SLIT2: variants seen among roughly 807,000 people sequenced by gnomAD.
The protein encoded by SLIT2 is slit guidance ligand 2, also known as slit homolog 2 protein.
Under a neutral mutation model 185.7 loss-of-function variants are expected in SLIT2, and 41 were observed. The observed-to-expected ratio is 0.22, with a 90% CI of 0.17 to 0.29. The LOEUF is 0.29. SLIT2 is among the 10% of genes least tolerant of loss of function. The probability of loss-of-function intolerance (pLI) is 1.00; values close to 1 mark genes in which losing one functional copy is unlikely to be tolerated. For missense variants in SLIT2, 1,571 were observed against 1,909.0 expected, an observed-to-expected ratio of 0.82 and a Z score of 3.30; for synonymous variants, 693 against 680.2, an observed-to-expected ratio of 1.02 and a Z score of -0.29.
intron 4 of SLIT2, among the ~76,000 whole-genome samples, chr4:20,453,381 G>T (rs553816236): frequency 6.6e-6 from 1 of 152,130 alleles, no homozygotes; most frequent in South Asian, 2.1e-4. Context: ...GATATAATTG[G>T]TGTGTAAAAT....
At chr4:20,267,354 A>G (rs1192685765) in intron 3 of SLIT2, among the ~76,000 whole-genome samples, 1 of 151,880 alleles carries the variant, frequency 6.6e-6, no homozygotes, top group East Asian at 1.9e-4. Context: ...ATTTGCCTCT[A>G]CTTGTCTTGG....
chr4:20,353,159 A>T (rs1229318124), intron 4 of SLIT2, among the ~76,000 whole-genome samples: 4 of 152,140 alleles, frequency 2.6e-5, no homozygotes, highest in Non-Finnish European at 4.4e-5. Context: ...ATTGATTCAG[A>T]TTGTGTGTGC....
At chr4:20,358,683 G>A (rs898700310) in intron 4 of SLIT2, among the ~76,000 whole-genome samples, 10 of 152,064 alleles carry the variant, frequency 6.6e-5, no homozygotes, top group African/African-American at 2.2e-4. Context: ...GCACCTTGAA[G>A]TTAATTAAAC....
At chr4:20,539,350 C>A in intron 18 of SLIT2, 91 bp from the exon 19 acceptor site, 1 of 1,121,032 alleles carries the variant, frequency 8.9e-7, no homozygotes, top group Non-Finnish European at 1.3e-6. Context: ...ATGAATGCTA[C>A]ATATTTGCAA....
intron 30 of SLIT2, among the ~76,000 whole-genome samples, chr4:20,594,372 T>C (rs944933690): frequency 6.6e-6 from 1 of 151,846 alleles, no homozygotes; most frequent in Non-Finnish European, 1.5e-5. Flanking sequence ...TATGTGTATA[T>C]GTATGTATAT....
chr4:20,588,862 T>C (rs1169220570), intron 29 of SLIT2, among the ~76,000 whole-genome samples: 5 of 152,188 alleles, frequency 3.3e-5, no homozygotes, highest in Non-Finnish European at 7.4e-5. Flanking sequence ...ATGAGTTAGC[T>C]GACTTTCATG....
chr4:20,299,262 A>G (rs1716811391), intron 4 of SLIT2, among the ~76,000 whole-genome samples: 2 of 152,228 alleles, frequency 1.3e-5, no homozygotes, highest in African/African-American at 4.8e-5. Flanking sequence ...TTGCTTTATC[A>G]GTAAGAATAT....
At chr4:20,467,645 G>T in intron 4 of SLIT2, 107 bp from the exon 5 acceptor site, 2 of 590,658 alleles carry the variant, frequency 3.4e-6, no homozygotes, top group Non-Finnish European at 2.9e-6. Flanking sequence ...TCCTTTTAGG[G>T]TTTTCTTTTT....
chr4:20,382,552 A>G (rs1215790612), intron 4 of SLIT2, among the ~76,000 whole-genome samples: 1 of 152,160 alleles, frequency 6.6e-6, no homozygotes, highest in Non-Finnish European at 1.5e-5. Context: ...AAAAATCACC[A>G]TTGACAATAG....
intron 30 of SLIT2, among the ~76,000 whole-genome samples, chr4:20,591,821 A>G (rs971757558): frequency 6.6e-6 from 1 of 152,120 alleles, no homozygotes; most frequent in African/African-American, 2.4e-5. Flanking sequence ...TAAGTATAAG[A>G]TAAAGTATTA....
rs780345622 is a variant in SLIT2, at chr4:20,546,019, C to T, written c.2277-12C>T. 6 of 1,470,752 alleles carry T rather than the reference C, an allele frequency of 4.1e-6. No individual in the cohort carries two copies. The South Asian group carries it at 4.8e-5, about 12-fold the overall frequency. 91.1% of individuals were successfully genotyped at this position (1,470,752 alleles called of 1,614,324 possible). On this transcript the variant is annotated splice_polypyrimidine_tract_variant and intron_variant, in intron 21 of 36. Transcript: ENST00000504154. ...ACTTTGTAAGAAGATAATATTGTTC[C>T]ATTGTTTTTAGGTATCTGGATGGAA... is the stretch of plus-strand genomic sequence containing the variant.
chr4:20,497,871 A>C (rs12331582), intron 9 of SLIT2, among the ~76,000 whole-genome samples: 5,933 of 152,074 alleles, frequency 0.039, 182 homozygotes, highest in African/African-American at 0.08. Flanking sequence ...TTTATACTAA[A>C]ACAAAACAAA....
rs1193696988 is a variant in SLIT2, at chr4:20,406,555, C to G, written c.396-61197C>G. Among the ~76,000 whole-genome samples, 3 of 143,810 alleles carry G rather than the reference C, an allele frequency of 2.1e-5. 1 individual carries two copies. The highest frequency in any genetic ancestry group is 4.6e-5 in the Non-Finnish European group (3 of 64,544). The allele number at this position is 143,810 out of a possible 152,430, so 94.3% of individuals were successfully genotyped here. A position where few individuals can be genotyped will look rare whatever the true frequency, so the allele number is the denominator to read the frequency against. On this transcript the variant is annotated intron_variant, in intron 4 of 36. Coordinates refer to ENST00000504154, the MANE Select transcript of SLIT2 (RefSeq NM_004787.4). Reference sequence around the variant, plus strand: ...GCTCATAAATACATTAAAAAGTGCTCAACATTATTATCCATCAGGAAAATA... The same window carrying G: ...GCTCATAAATACATTAAAAAGTGCTGAACATTATTATCCATCAGGAAAATA...
At chr4:20,542,194 G>A (rs675465) in intron 20 of SLIT2, among the ~76,000 whole-genome samples, 107,715 of 152,054 alleles carry the variant, frequency 0.71, 38,244 homozygotes, top group Admixed American at 0.74. Context: ...AATTCACTTT[G>A]CATTTACATA....
chr4:20,488,787 TC>T lies in SLIT2; in HGVS notation c.612-31del, dbSNP rs542132475. On this transcript the variant is annotated intron_variant, in intron 7 of 36. Transcript: ENST00000504154. ...TTAATGAAATAACGACTTTCTGTTT[TC>T]TTGCTTTACACTTCTTTTTTTCTCA... is the stretch of plus-strand genomic sequence containing the variant. 1.6e-4 allele frequency: 250 copies of T among 1,533,716 alleles called. 1 individual carries two copies. The African/African-American group carries it at 3.1e-3, about 19-fold the overall frequency.
intron 4 of SLIT2, among the ~76,000 whole-genome samples, chr4:20,441,816 T>C (rs998812915): frequency 3.9e-5 from 6 of 152,156 alleles, no homozygotes; most frequent in African/African-American, 1.4e-4. Flanking sequence ...CAGAACTTTA[T>C]ACTTTAACCA....
At chr4:20,351,652 G>A (rs1279560904) in intron 4 of SLIT2, among the ~76,000 whole-genome samples, 3 of 152,144 alleles carry the variant, frequency 2.0e-5, no homozygotes, top group Admixed American at 6.6e-5. Flanking sequence ...GAGTGGGGAA[G>A]CAGGGTCACA....
chr4:20,489,427 G>A (rs1323103605), intron 8 of SLIT2, among the ~76,000 whole-genome samples: 1 of 152,164 alleles, frequency 6.6e-6, no homozygotes, highest in African/African-American at 2.4e-5. Context: ...TATACTAATG[G>A]TTCAGTTTTA....
intron 4 of SLIT2, among the ~76,000 whole-genome samples, chr4:20,396,208 G>A (rs560600543): frequency 6.6e-6 from 1 of 151,816 alleles, no homozygotes; most frequent in Non-Finnish European, 1.5e-5. Flanking sequence ...ATAAATGTAT[G>A]TGTGTATGTA....
Sources: gnomAD v4.1 joint callset for allele counts (sites outside exome capture counted in the v4.1 genomes callset) on GRCh38, gnomAD v4.1.1 for gene constraint, MANE v1.5 for transcripts, NCBI Gene and HGNC (gene_info 2026-07-23, HGNC 2026-07-21) for gene names.